Variants in ZNF337 observed in about 807,000 individuals in gnomAD.
The protein encoded by ZNF337 is zinc finger protein 337.
Under a neutral mutation model 12.1 loss-of-function variants are expected in ZNF337, and 8 were observed. That is an observed-to-expected ratio of 0.66 (90% confidence interval 0.39 to 1.19). The LOEUF (loss-of-function observed/expected upper bound fraction) is 1.19. Among genes scored for constraint, ZNF337 ranks in the 50% most tolerant of loss-of-function variants. The pLI is 0.01. For missense variants in ZNF337, 882 were observed against 896.6 expected, an observed-to-expected ratio of 0.98 and a Z score of 0.21; for synonymous variants, 336 against 320.0, an observed-to-expected ratio of 1.05 and a Z score of -0.53.
Position 25,675,154 on chromosome 20 carries a change from G to A in ZNF337, c.2134C>T (p.Pro712Ser), listed in dbSNP as rs200839294. Reference protein sequence around the residue: ...VHERIHTGERPYECQECGRKF... With the variant: ...VHERIHTGERSYECQECGRKF... ...CGTCCACACTCTTGGCATTCATAAGGCCTCTCTCCTGTGTGTATTCTTTCA... is the reference window on the plus strand; with the variant it reads ...CGTCCACACTCTTGGCATTCATAAGACCTCTCTCCTGTGTGTATTCTTTCA... The change falls in exon 5 of 5, where the codon CCT becomes TCT. Residue 712 changes from proline to serine, a missense_variant. Transcript: ENST00000252979. The A allele has an allele frequency of 6.2e-7, 1 of 1,614,198 alleles. No homozygotes were observed. The highest frequency in any genetic ancestry group is 8.5e-7 in the Non-Finnish European group (1 of 1,180,028).
rs1273054403 is a variant in ZNF337 at position 25,685,676 on chromosome 20, A to G, written c.155-14T>C. ...AATGGAGAATTCCTGCTCACAGGGA[A>G]AAAAACCATGAGGTGACTCCTGGTT... On this transcript the variant is annotated splice_polypyrimidine_tract_variant and intron_variant, in intron 3 of 4. Transcript: ENST00000252979. 1 of 1,612,376 alleles carries G rather than the reference A, an allele frequency of 6.2e-7. No homozygotes were observed. The highest frequency in any genetic ancestry group is 8.5e-7 in the Non-Finnish European group (1 of 1,178,394).
At chr20:25,692,473 G>T (rs2122470944) in intron 1 of ZNF337, among the ~76,000 whole-genome samples, 1 of 152,206 alleles carries the variant, frequency 6.6e-6, no homozygotes, top group Middle Eastern at 3.4e-3. Context: ...GAGGGGGTTG[G>T]ATGAAATAAG....
chr20:25,675,737 G>GA lies in ZNF337; in HGVS notation c.1550dup (p.Cys518LeufsTer33), dbSNP rs767883564. ...TAAAGCCTCGCCCACAATCCCTGCA[G>GA]AAAAAACGTTTCTCACCCAAGTGTG... is the stretch of plus-strand genomic sequence containing the variant. On this transcript the variant is annotated frameshift_variant, in exon 5 of 5. Coordinates refer to ENST00000252979, the MANE Select transcript of ZNF337 (RefSeq NM_015655.4). LOFTEE classifies it low-confidence loss of function (END_TRUNC). 9 of 1,612,960 alleles carry GA rather than the reference G, an allele frequency of 5.6e-6. No individual in the cohort carries two copies. The highest frequency in any genetic ancestry group is 1.1e-5 in the South Asian group (1 of 90,972).
chr20:25,683,786 T>A (rs73597827), intron 4 of ZNF337, among the ~76,000 whole-genome samples: 1 of 152,116 alleles, frequency 6.6e-6, no homozygotes, highest in Non-Finnish European at 1.5e-5. Flanking sequence ...ATTGTGGAAG[T>A]CAGTGTGGCG....
Position 25,676,198 on chromosome 20 carries a change from T to C in ZNF337, c.1090A>G (p.Ile364Val), listed in dbSNP as rs759541472. 1.9e-6 allele frequency: 3 copies of C among 1,613,566 alleles called. No homozygotes were observed. Among genetic ancestry groups the C allele is most frequent in the Non-Finnish European group, 2.5e-6 (3 of 1,179,878 alleles). The change falls in exon 5 of 5, where the codon ATC becomes GTC. Residue 364 changes from isoleucine to valine, a missense_variant. Ile to Val is a conservative substitution (Grantham distance 29). Transcript: ENST00000252979. ...GRGFSNKSHLITHQRTHSGEK... is the reference protein window; with the variant it reads ...GRGFSNKSHLVTHQRTHSGEK... Reference sequence around the variant, plus strand: ...CCTGAGTGTGTCCTCTGGTGTGTGATAAGGTGTGACTTATTGCTAAAGCCT... The same window carrying C: ...CCTGAGTGTGTCCTCTGGTGTGTGACAAGGTGTGACTTATTGCTAAAGCCT...
At chr20:25,679,194 G>C (rs573730899) in intron 4 of ZNF337, among the ~76,000 whole-genome samples, 1 of 152,104 alleles carries the variant, frequency 6.6e-6, no homozygotes. Flanking sequence ...TTAAACATGA[G>C]TTCCACAATT....
rs1466318640 is a variant in ZNF337, at chr20:25,685,572, C to G, written c.245G>C (p.Cys82Ser). 1 of 1,614,066 alleles carries G rather than the reference C, an allele frequency of 6.2e-7. No individual in the cohort carries two copies. Among genetic ancestry groups the G allele is most frequent in the Admixed American group, 1.7e-5 (1 of 60,024 alleles). The change falls in exon 4 of 5, where the codon TGT becomes TCT. Residue 82 changes from cysteine (C) to serine (S), a missense_variant. Coordinates refer to ENST00000252979, the MANE Select transcript of ZNF337 (RefSeq NM_015655.4). Reference protein sequence around the residue: ...GEERRRRPGPCAGIYAEHVLR... With the variant: ...GEERRRRPGPSAGIYAEHVLR... ...TGCCCTGTCTATCCCCTCACCTGCA[C>G]AGGGGCCTGGCCGGCGTCTTCTCTC...
At position 25,685,980 on chromosome 20, in the gene ZNF337, G is replaced by C. The variant is rs376596724; in HGVS notation, c.154+16C>G. The C allele has an allele frequency of 4.1e-5, 65 of 1,601,864 alleles. No individual in the cohort carries two copies. The highest frequency in any genetic ancestry group is 5.1e-5 in the Non-Finnish European group (60 of 1,176,524). On this transcript the variant is annotated intron_variant, in intron 3 of 4. Coordinates refer to ENST00000252979, the MANE Select transcript of ZNF337 (RefSeq NM_015655.4). ...ACCACAGGCCAAATGTTAGGCTCGAGGGAAGCCACGCTTACCTAGTGAGAC... is the reference window on the plus strand; with the variant it reads ...ACCACAGGCCAAATGTTAGGCTCGACGGAAGCCACGCTTACCTAGTGAGAC...
At chr20:25,684,778 T>C (rs1197014928) in intron 4 of ZNF337, among the ~76,000 whole-genome samples, 3 of 152,222 alleles carry the variant, frequency 2.0e-5, no homozygotes, top group African/African-American at 7.2e-5. Flanking sequence ...ATATATACCA[T>C]AGAATACTAT....
At chr20:25,690,433 A>G (rs2065874675) in intron 1 of ZNF337, among the ~76,000 whole-genome samples, 1 of 152,238 alleles carries the variant, frequency 6.6e-6, no homozygotes, top group Non-Finnish European at 1.5e-5. Context: ...ACAGGTGCAG[A>G]ATACAACAGA....
chr20:25,676,447 C>G lies in ZNF337; in HGVS notation c.841G>C (p.Val281Leu). The G allele has an allele frequency of 6.2e-7, 1 of 1,613,056 alleles. No individual in the cohort carries two copies. The change falls in exon 5 of 5, where the codon GTG (valine) becomes CTG (leucine). Residue 281 changes from valine to leucine, a missense_variant. Transcript: ENST00000252979. Reference protein sequence around the residue: ...RGYTSKSYLTVHERTHTGEKP... With the variant: ...RGYTSKSYLTLHERTHTGEKP... Reference sequence around the variant, plus strand: ...TCTCCTGTGTGTGTTCTCTCATGCACAGTGAGGTATGACTTACTGGTATAG... The same window carrying G: ...TCTCCTGTGTGTGTTCTCTCATGCAGAGTGAGGTATGACTTACTGGTATAG...
chr20:25,673,545 T>G lies in ZNF337; in HGVS notation c.*1487A>C, dbSNP rs2065640041. Among the ~76,000 whole-genome samples the G allele has an allele frequency of 6.6e-6, 1 of 152,174 alleles. No individual in the cohort carries two copies. On this transcript the variant is annotated 3_prime_UTR_variant, in exon 5 of 5. Coordinates refer to ENST00000252979, the MANE Select transcript of ZNF337 (RefSeq NM_015655.4). ...CAATCTTGGGCATCCATGGAGATGT[T>G]CCGGTGTCATTTTTCAGGATCCCAG...
At chr20:25,686,771 T>A (rs1319715513) in intron 1 of ZNF337, 1 of 292,960 alleles carries the variant, frequency 3.4e-6, no homozygotes, top group Non-Finnish European at 5.8e-6. Context: ...GAGTTCCAGG[T>A]GTTCTTTGCA....
At position 25,676,831 on chromosome 20, in the gene ZNF337, CTA is replaced by C. The variant is rs1569007388; in HGVS notation, c.455_456del (p.Ile152ArgfsTer3). The C allele has an allele frequency of 6.2e-7, 1 of 1,614,208 alleles. No homozygotes were observed. Among genetic ancestry groups the C allele is most frequent in the Non-Finnish European group, 8.5e-7 (1 of 1,180,030 alleles). ...SSRRRNSVVE[I>X]ESSQGQRENP... The stretch of plus-strand genomic sequence containing the variant: ...TTTTCCCTCTGGCCTTGACTAGACT[CTA>C]TTTCCACTACACTGTTCCTCCTCCT... On this transcript the variant is annotated frameshift_variant, in exon 5 of 5. Transcript: ENST00000252979. LOFTEE classifies it low-confidence loss of function (END_TRUNC).
At chr20:25,684,779 A>C (rs1293148489) in intron 4 of ZNF337, among the ~76,000 whole-genome samples, 1 of 152,232 alleles carries the variant, frequency 6.6e-6, no homozygotes, top group Non-Finnish European at 1.5e-5. Flanking sequence ...TATATACCAT[A>C]GAATACTATG....
rs541879786 is a variant in ZNF337, at chr20:25,693,428, GGATTCC to G, written c.-50+3325_-50+3330del. Among the ~76,000 whole-genome samples the G allele has an allele frequency of 4.6e-5, 7 of 152,272 alleles. No individual in the cohort carries two copies. In the South Asian group the frequency reaches 1.4e-3, roughly 32 times the overall value. ...CGCCACTTCTTAGTCTGTGAAATGGGGATTCCAATTCCTAACTTCCACATTGGTTGA... is the reference window on the plus strand; with the variant it reads ...CGCCACTTCTTAGTCTGTGAAATGGGAATTCCTAACTTCCACATTGGTTGA... On this transcript the variant is annotated intron_variant, in intron 1 of 4. Coordinates refer to ENST00000252979, the MANE Select transcript of ZNF337 (RefSeq NM_015655.4).
At chr20:25,694,341 G>A (rs1187212881) in intron 1 of ZNF337, among the ~76,000 whole-genome samples, 1 of 152,060 alleles carries the variant, frequency 6.6e-6, no homozygotes, top group Non-Finnish European at 1.5e-5. Flanking sequence ...CACTGTAAAG[G>A]ACTATGTCTT....
chr20:25,687,286 T>C (rs1328878644), intron 1 of ZNF337, among the ~76,000 whole-genome samples: 1 of 152,172 alleles, frequency 6.6e-6, no homozygotes, highest in Non-Finnish European at 1.5e-5. Context: ...TAGAACTGAA[T>C]AATGTGTACT....
At chr20:25,695,880 C>G (rs1049685940) in intron 1 of ZNF337, among the ~76,000 whole-genome samples, 2 of 152,160 alleles carry the variant, frequency 1.3e-5, no homozygotes, top group Admixed American at 6.5e-5. Flanking sequence ...TAAAATTAAC[C>G]TGCAAGCCTG....
Sources: allele counts gnomAD v4.1 joint callset (sites outside exome capture counted in the v4.1 genomes callset), GRCh38; gene constraint gnomAD v4.1.1; transcripts MANE v1.5; gene names NCBI Gene and HGNC (gene_info 2026-07-23, HGNC 2026-07-21).